DLGAP4: variants seen among roughly 807,000 people sequenced by gnomAD.
DLGAP4 encodes the protein DLG associated protein 4.
Under a neutral mutation model 86.9 loss-of-function variants are expected in DLGAP4, and 18 were observed. The observed-to-expected ratio is 0.21, with a 90% CI of 0.14 to 0.31. The LOEUF (loss-of-function observed/expected upper bound fraction) is 0.31, where lower values mean the gene tolerates loss of function less well. Among genes scored for constraint, DLGAP4 ranks in the 10% least tolerant of loss-of-function variants. DLGAP4 has a pLI of 1.00. For missense variants in DLGAP4, 1,085 were observed against 1,362.6 expected (o/e 0.80, Z 3.21); for synonymous variants, 548 against 574.3 (o/e 0.95, Z 0.65).
intron 4 of DLGAP4, among the ~76,000 whole-genome samples, chr20:36,436,730 C>T (rs1204767047): frequency 6.6e-6 from 1 of 151,942 alleles, no homozygotes; most frequent in Non-Finnish European, 1.5e-5. Context: ...ACAGGAGAAT[C>T]GCTTGAACCC....
intron 1 of DLGAP4, among the ~76,000 whole-genome samples, chr20:36,321,143 T>C (rs2065163676): frequency 6.6e-6 from 1 of 151,112 alleles, no homozygotes; most frequent in Non-Finnish European, 1.5e-5. Flanking sequence ...CATGCTGGGG[T>C]GATGGTCAGG....
intron 1 of DLGAP4, among the ~76,000 whole-genome samples, chr20:36,335,697 G>A (rs868921685): frequency 1.3e-5 from 2 of 152,134 alleles, no homozygotes; most frequent in Non-Finnish European, 2.9e-5. Context: ...GGTTTGACCC[G>A]TCTTTGCCTT....
intron 2 of DLGAP4, among the ~76,000 whole-genome samples, chr20:36,414,824 A>C (rs998237236): frequency 6.6e-6 from 1 of 152,246 alleles, no homozygotes; most frequent in Non-Finnish European, 1.5e-5. Flanking sequence ...TGGCAAATGC[A>C]ACTGAAATTT....
At chr20:36,409,378 T>TA (rs1042356762) in intron 2 of DLGAP4, among the ~76,000 whole-genome samples, 2 of 146,690 alleles carry the variant, frequency 1.4e-5, no homozygotes, top group African/African-American at 5.0e-5. Flanking sequence ...TAAAGTAAAA[T>TA]AAAAAAAATT....
At chr20:36,363,032 C>T (rs1266283445) in intron 1 of DLGAP4, among the ~76,000 whole-genome samples, 1 of 152,214 alleles carries the variant, frequency 6.6e-6, no homozygotes, top group Non-Finnish European at 1.5e-5. Flanking sequence ...CTTTTGAGTC[C>T]TCCTGCTAGG....
At position 36,439,846 on chromosome 20, in the gene DLGAP4, A is replaced by G; in HGVS notation, c.1334A>G (p.Asn445Ser). ...EDYTPVSDSL[N>S]DSSCISQIFG... ...TACACCCCCGTCAGCGACAGCCTCA[A>G]CGACTCCAGCTGCATCAGCCAGGTG... The change falls in exon 5 of 13, where the codon AAC (asparagine) becomes AGC (serine). Residue 445 changes from asparagine (N) to serine (S), a missense_variant. Transcript: ENST00000339266. The G allele has an allele frequency of 6.2e-7, 1 of 1,613,564 alleles. No homozygotes were observed. Among genetic ancestry groups the G allele is most frequent in the Non-Finnish European group, 8.5e-7 (1 of 1,179,952 alleles).
At chr20:36,372,012 G>A (rs1190204031) in intron 2 of DLGAP4, among the ~76,000 whole-genome samples, 2 of 152,254 alleles carry the variant, frequency 1.3e-5, no homozygotes, top group South Asian at 2.1e-4. Context: ...CACCTCAATG[G>A]GATAAGGCAT....
At chr20:36,323,310 T>C (rs2065187811) in intron 1 of DLGAP4, among the ~76,000 whole-genome samples, 1 of 150,784 alleles carries the variant, frequency 6.6e-6, no homozygotes, top group Non-Finnish European at 1.5e-5. Context: ...CCTAAAGCCA[T>C]AGCTTTGTTT....
chr20:36,496,815 G>A lies in DLGAP4; in HGVS notation c.1759G>A (p.Asp587Asn). ...TVQSSTESAQ[D>N]TYLDSQDHKS... ...CCAGAGCAGTACTGAGTCTGCCCAG[G>A]ACACCTACCTGGACAGCCAGGACCA... Residue 587 changes from aspartate to asparagine, a missense_variant, in exon 8 of 13, where the codon GAC becomes AAC. Physicochemically the swap from Asp to Asn is conservative, Grantham distance 23. Around this residue, in one of 2 missense-constraint regions of DLGAP4, gnomAD observed 1,082 missense variants for 1,344.1 expected, o/e 0.81. Coordinates refer to ENST00000339266, the MANE Select transcript of DLGAP4 (RefSeq NM_001365621.2). 1 of 1,614,192 alleles carries A rather than the reference G, an allele frequency of 6.2e-7. No individual in the cohort carries two copies. Among genetic ancestry groups the A allele is most frequent in the Non-Finnish European group, 8.5e-7 (1 of 1,180,032 alleles).
intron 7 of DLGAP4, among the ~76,000 whole-genome samples, chr20:36,448,453 T>G (rs2033656768): frequency 6.6e-6 from 1 of 152,238 alleles, no homozygotes; most frequent in Admixed American, 6.5e-5. Flanking sequence ...CTAGTTCGCC[T>G]TCCTGAGCCT....
intron 11 of DLGAP4, 124 bp from the exon 12 acceptor site, chr20:36,525,727 A>G: frequency 7.8e-7 from 1 of 1,287,896 alleles, no homozygotes; most frequent in African/African-American, 1.5e-5. Flanking sequence ...TTACCCAGAC[A>G]CTAGGCCTCA....
intron 2 of DLGAP4, among the ~76,000 whole-genome samples, chr20:36,368,155 GAGA>G (rs1466609166): frequency 2.6e-5 from 4 of 152,350 alleles, no homozygotes; most frequent in Admixed American, 2.6e-4. Flanking sequence ...GAAAGGGGGA[GAGA>G]AGAAGGGAAA....
intron 1 of DLGAP4, among the ~76,000 whole-genome samples, chr20:36,365,289 T>C (rs781984704): frequency 1.2e-4 from 18 of 152,238 alleles, no homozygotes; most frequent in Non-Finnish European, 2.1e-4. Flanking sequence ...TGGGTGAATT[T>C]GGCTAAAAGT....
chr20:36,502,071 T>C (rs996170075), intron 10 of DLGAP4, among the ~76,000 whole-genome samples: 4 of 152,198 alleles, frequency 2.6e-5, no homozygotes, highest in African/African-American at 9.6e-5. Context: ...CTCTTTAAAA[T>C]TAATCATCAT....
intron 1 of DLGAP4, among the ~76,000 whole-genome samples, chr20:36,355,939 G>A (rs2030312763): frequency 6.6e-6 from 1 of 152,190 alleles, no homozygotes; most frequent in Admixed American, 6.5e-5. Context: ...TAAGCCAATG[G>A]GCATAGAGCT....
rs561636311 is a variant in DLGAP4 at position 36,353,504 on chromosome 20, A to C, written c.-303-13541A>C. ...CTTTTTTCTGCTGCTGATCTTTTTG[A>C]GGACTCTTTTTTCTTTTCACCATGA... On this transcript the variant is annotated intron_variant, in intron 1 of 12. Transcript: ENST00000339266. 2.6e-3 allele frequency among the ~76,000 whole-genome samples: 390 copies of C among 152,236 alleles called. 5 individuals carry two copies. The highest frequency in any genetic ancestry group is 8.9e-3 in the African/African-American group (370 of 41,548).
rs559322495 is a variant in DLGAP4, at chr20:36,401,272, C to G, written c.-72-30374C>G. Among the ~76,000 whole-genome samples, 164 of 152,346 alleles carry G rather than the reference C, an allele frequency of 1.1e-3. 1 individual carries two copies. The South Asian group carries it at 0.032, about 30-fold the overall frequency. On this transcript the variant is annotated intron_variant, in intron 2 of 12. Coordinates refer to ENST00000339266, the MANE Select transcript of DLGAP4 (RefSeq NM_001365621.2). ...TGAGAACGCGATCCATCTTAAATGT[C>G]CTCTGCAAACCTCCAGCCACAGATA...
chr20:36,334,030 G>C (rs2065296488), intron 1 of DLGAP4, among the ~76,000 whole-genome samples: 1 of 152,212 alleles, frequency 6.6e-6, no homozygotes, highest in East Asian at 1.9e-4. Context: ...TGGACAGCAA[G>C]GATGTCGTGT....
At chr20:36,373,701 A>G (rs912951649) in intron 2 of DLGAP4, among the ~76,000 whole-genome samples, 2 of 152,204 alleles carry the variant, frequency 1.3e-5, no homozygotes, top group Non-Finnish European at 2.9e-5. Flanking sequence ...CCCAAGATGC[A>G]TGGTTTTCAA....
Sources: allele counts gnomAD v4.1 joint callset (sites outside exome capture counted in the v4.1 genomes callset), GRCh38; gene constraint gnomAD v4.1.1; regional missense constraint gnomAD v4.1.1; transcripts MANE v1.5; gene names NCBI Gene and HGNC (gene_info 2026-07-23, HGNC 2026-07-21).